GPR107: variants seen among roughly 807,000 people sequenced by gnomAD.
The protein encoded by GPR107 is protein GPR107.
Under a neutral mutation model 75.5 loss-of-function variants are expected in GPR107, and 31 were observed. The observed-to-expected ratio is 0.41, with a 90% CI of 0.31 to 0.55. GPR107 has a LOEUF of 0.55. GPR107 is among the 20% of genes least tolerant of loss of function. GPR107 has a pLI of 0.26. For synonymous variants in GPR107, 267 were observed against 251.3 expected, an observed-to-expected ratio of 1.06 and a Z score of -0.59; for missense variants, 572 against 665.7, an observed-to-expected ratio of 0.86 and a Z score of 1.55.
chr9:130,091,030 A>C, intron 8 of GPR107, 47 bp downstream of exon 8: 1 of 808,086 alleles, frequency 1.2e-6, no homozygotes, highest in Non-Finnish European at 2.1e-6. Context: ...GTCAGCATAA[A>C]ACGGGAGATT....
intron 7 of GPR107, among the ~76,000 whole-genome samples, chr9:130,087,728 G>T (rs1830646746): frequency 7.8e-6 from 1 of 128,256 alleles, no homozygotes; most frequent in South Asian, 2.4e-4. Context: ...ACTTGAGCCT[G>T]GGGGGTCAAG....
chr9:130,078,809 C>T (rs1367983465), intron 4 of GPR107, among the ~76,000 whole-genome samples: 1 of 152,190 alleles, frequency 6.6e-6, no homozygotes, highest in Non-Finnish European at 1.5e-5. Flanking sequence ...TTAGGTTGGG[C>T]ATCCACTCAG....
Position 130,138,871 on chromosome 9 carries a change from G to C in GPR107, c.*3750G>C, listed in dbSNP as rs1554900375. The C allele has an allele frequency of 6.6e-6, 1 of 152,188 alleles. No homozygotes were observed. The allele number at this position is 152,188 out of a possible 1,614,324, so 9.4% of individuals were successfully genotyped here. A position where few individuals can be genotyped will look rare whatever the true frequency, so the allele number is the denominator to read the frequency against. ...CATAGCGATGCCTGTTGGAATTGCA[G>C]ATGCATTCTGGCCTTCTCCCCCGTC... On this transcript the variant is annotated 3_prime_UTR_variant, in exon 18 of 18. Transcript: ENST00000347136.
chr9:130,077,938 G>A (rs1277396078), intron 4 of GPR107, among the ~76,000 whole-genome samples: 1 of 152,186 alleles, frequency 6.6e-6, no homozygotes, highest in Non-Finnish European at 1.5e-5. Context: ...GGCCGAGGCG[G>A]ACGGATCACG....
chr9:130,068,642 C>T (rs61688587), intron 1 of GPR107, among the ~76,000 whole-genome samples: 5 of 152,024 alleles, frequency 3.3e-5, no homozygotes, highest in African/African-American at 1.2e-4. Context: ...GAAGTCGGTG[C>T]AGAAGTTCTG....
At chr9:130,079,891 T>C (rs972299275) in intron 5 of GPR107, 122 bp downstream of exon 5, 18 of 558,658 alleles carry the variant, frequency 3.2e-5, no homozygotes, top group Non-Finnish European at 5.2e-5. Flanking sequence ...ATTTTGGAAG[T>C]TACACAAAAA....
At chr9:130,086,546 G>T (rs1830620543) in intron 7 of GPR107, 70 bp downstream of exon 7, 5 of 879,278 alleles carry the variant, frequency 5.7e-6, no homozygotes, top group African/African-American at 1.7e-5. Flanking sequence ...TTTTTTTTTA[G>T]AGGAATTTTG....
intron 9 of GPR107, among the ~76,000 whole-genome samples, chr9:130,097,155 C>CTTTTTTTTTTTTTT (rs71387312): frequency 3.1e-5 from 4 of 130,186 alleles, no homozygotes; most frequent in Non-Finnish European, 4.7e-5. Context: ...TCTTTTTTTT[C>CTTTTTTTTTTTTTT]TTTTTTTTTT....
At chr9:130,096,966 T>G (rs1182013691) in intron 9 of GPR107, among the ~76,000 whole-genome samples, 4 of 152,166 alleles carry the variant, frequency 2.6e-5, no homozygotes, top group Non-Finnish European at 5.9e-5. Flanking sequence ...GTCCTCACGT[T>G]TGACTGCTTT....
chr9:130,087,495 A>G (rs1274958384), intron 7 of GPR107, among the ~76,000 whole-genome samples: 1 of 151,852 alleles, frequency 6.6e-6, no homozygotes, highest in East Asian at 2.0e-4. Context: ...ATGGTGAAAC[A>G]TCTCTACAAA....
chr9:130,095,184 G>C (rs555755333), intron 9 of GPR107, among the ~76,000 whole-genome samples: 1 of 152,114 alleles, frequency 6.6e-6, no homozygotes, highest in Admixed American at 6.6e-5. Context: ...CTGCCTTCCT[G>C]TAAGAGTCTT....
At chr9:130,116,505 G>C (rs1564681197) in intron 14 of GPR107, among the ~76,000 whole-genome samples, 1 of 152,208 alleles carries the variant, frequency 6.6e-6, no homozygotes, top group Non-Finnish European at 1.5e-5. Context: ...TGGACAGGAG[G>C]GGTTGGGGGT....
intron 1 of GPR107, among the ~76,000 whole-genome samples, chr9:130,070,586 G>A (rs1830180261): frequency 1.3e-5 from 2 of 152,114 alleles, no homozygotes; most frequent in African/African-American, 4.8e-5. Context: ...TTACAGGCGT[G>A]AGCCACCGCG....
rs62583862 is a variant in GPR107, at chr9:130,055,321, T to A, written c.141+1248T>A. Among the ~76,000 whole-genome samples, 919 of 149,616 alleles carry A rather than the reference T, an allele frequency of 6.1e-3. 15 individuals are homozygous for A. The highest frequency in any genetic ancestry group is 0.021 in the African/African-American group (860 of 40,786). ...TCTCTACTAAAAATAAAAAAAAAAT[T>A]AGCCAGGCGTGGTGGCAGGCGCCTG... On this transcript the variant is annotated intron_variant, in intron 1 of 17. Coordinates refer to ENST00000347136, the MANE Select transcript of GPR107 (RefSeq NM_020960.5).
At chr9:130,113,389 G>T (rs919997026) in intron 14 of GPR107, among the ~76,000 whole-genome samples, 3 of 151,524 alleles carry the variant, frequency 2.0e-5, no homozygotes, top group Non-Finnish European at 4.4e-5. Context: ...TTTCCACCAT[G>T]CCCGGCTAAT....
intron 1 of GPR107, among the ~76,000 whole-genome samples, chr9:130,055,483 C>T (rs1272206185): frequency 6.8e-6 from 1 of 147,984 alleles, no homozygotes; most frequent in East Asian, 2.0e-4. Flanking sequence ...AGCCAAGATC[C>T]CGCCACTGCA....
At position 130,110,459 on chromosome 9, in the gene GPR107, A is replaced by G. The variant is rs761563530; in HGVS notation, c.1306+2920A>G. On this transcript the variant is annotated intron_variant, in intron 14 of 17. Transcript: ENST00000347136. ...AGGGTTCACATTCCCCATTCTTAGG[A>G]AGACATCTGCTAAGGAAGCACCCAT... 9.2e-6 allele frequency: 10 copies of G among 1,085,280 alleles called. No individual in the cohort carries two copies. In the South Asian group the frequency reaches 1.3e-4, roughly 14 times the overall value. 67.2% of individuals were successfully genotyped at this position (1,085,280 alleles called of 1,614,324 possible). A position where few individuals can be genotyped will look rare whatever the true frequency, so the allele number is the denominator to read the frequency against.
At chr9:130,085,531 T>C (rs1223866758) in intron 6 of GPR107, among the ~76,000 whole-genome samples, 1 of 151,642 alleles carries the variant, frequency 6.6e-6, no homozygotes, top group African/African-American at 2.4e-5. Context: ...GAAATATCCA[T>C]CACCCCAAAA....
chr9:130,118,498 C>G (rs1831478015), intron 14 of GPR107, among the ~76,000 whole-genome samples: 1 of 152,044 alleles, frequency 6.6e-6, no homozygotes, highest in Non-Finnish European at 1.5e-5. Flanking sequence ...TTTCCTGCCT[C>G]AGTGGGCACT....
Sources: allele counts gnomAD v4.1 joint callset (sites outside exome capture counted in the v4.1 genomes callset), GRCh38; gene constraint gnomAD v4.1.1; transcripts MANE v1.5; gene names NCBI Gene and HGNC (gene_info 2026-07-23, HGNC 2026-07-21).